Variants in FRS2 observed in about 807,000 individuals in gnomAD.
FRS2 encodes the protein FGFR signalling adaptor.
FRS2 carries 8 observed loss-of-function variants against 43.9 expected under a neutral mutation model. The ratio of observed to expected loss-of-function variants is 0.18; its 90% confidence interval spans 0.11 to 0.33. The LOEUF (loss-of-function observed/expected upper bound fraction) is 0.33, where lower values mean the gene tolerates loss of function less well. Ranked by LOEUF, FRS2 falls within the 10% of genes least tolerant of loss-of-function variation. FRS2 has a pLI of 1.00. For synonymous variants in FRS2, 219 were observed against 220.3 expected (o/e 0.99, Z 0.05); for missense variants, 534 against 627.6 (o/e 0.85, Z 1.59).
rs1312833203 is a variant in FRS2 at position 69,578,880 on chromosome 12, T to C, written c.*3925T>C. 2.0e-5 allele frequency: 3 copies of C among 152,624 alleles called. No homozygotes were observed. Among genetic ancestry groups the C allele is most frequent in the Admixed American group, 2.0e-4 (3 of 15,270 alleles). 9.5% of individuals were successfully genotyped at this position (152,624 alleles called of 1,614,324 possible). A position where few individuals can be genotyped will look rare whatever the true frequency, so the allele number is the denominator to read the frequency against. On this transcript the variant is annotated 3_prime_UTR_variant, in exon 9 of 9. Coordinates refer to ENST00000549921, the MANE Select transcript of FRS2 (RefSeq NM_001278356.2). ...TGCCAAATTGTATATGAAATATGAA[T>C]TTTACCCCCATGGTTAATTTCTTTT... is the stretch of plus-strand genomic sequence containing the variant.
chr12:69,552,730 A>G (rs989296958), intron 3 of FRS2, among the ~76,000 whole-genome samples: 2 of 152,086 alleles, frequency 1.3e-5, no homozygotes, highest in Non-Finnish European at 2.9e-5. Context: ...TGTCTCTACT[A>G]AAAATACAAA....
At chr12:69,484,417 C>T (rs1263707389) in intron 1 of FRS2, among the ~76,000 whole-genome samples, 1 of 152,170 alleles carries the variant, frequency 6.6e-6, no homozygotes, top group Non-Finnish European at 1.5e-5. Context: ...GCCAGTGTTC[C>T]ACAGTTCTGA....
intron 3 of FRS2, among the ~76,000 whole-genome samples, chr12:69,539,274 ACCATGCTGG>A (rs934811040): frequency 1.3e-5 from 2 of 152,050 alleles, no homozygotes; most frequent in African/African-American, 4.8e-5. Flanking sequence ...TGGGGGTTTC[ACCATGCTGG>A]CCAGGCTGGT....
intron 1 of FRS2, among the ~76,000 whole-genome samples, chr12:69,506,647 G>A (rs1873958717): frequency 6.6e-6 from 1 of 151,930 alleles, no homozygotes; most frequent in South Asian, 2.1e-4. Context: ...CTTCTTTCAA[G>A]CCCTCTATTA....
intron 3 of FRS2, among the ~76,000 whole-genome samples, chr12:69,539,754 GA>G (rs1877693554): frequency 6.6e-6 from 1 of 151,998 alleles, no homozygotes; most frequent in Non-Finnish European, 1.5e-5. Context: ...AGGAGTTCGA[GA>G]CCAGCCTGGC....
intron 1 of FRS2, among the ~76,000 whole-genome samples, chr12:69,477,114 A>T (rs1208075563): frequency 2.2e-5 from 3 of 139,026 alleles, no homozygotes; most frequent in African/African-American, 4.9e-5. Context: ...CAATGGCAGA[A>T]ATGTGGATGA....
rs571185563 is a variant in FRS2 at position 69,552,162 on chromosome 12, C to T, written c.-121-10018C>T. On this transcript the variant is annotated intron_variant, in intron 3 of 8. Transcript: ENST00000549921. ...TACTAAAAATACAAAATTATCCGGG[C>T]ATGGTGGTGCATGCCTGTAATCCCA... is the stretch of plus-strand genomic sequence containing the variant. Among the ~76,000 whole-genome samples the T allele has an allele frequency of 4.6e-5, 7 of 151,726 alleles. No individual in the cohort carries two copies. In the South Asian group the frequency reaches 1.5e-3, roughly 32 times the overall value.
chr12:69,530,396 C>T (rs1592998699), intron 1 of FRS2, among the ~76,000 whole-genome samples: 1 of 151,958 alleles, frequency 6.6e-6, no homozygotes, highest in African/African-American at 2.4e-5. Context: ...ATCTCTCCCA[C>T]CTCAGTCTCA....
chr12:69,567,074 C>T (rs1223501196), intron 4 of FRS2, among the ~76,000 whole-genome samples: 2 of 152,140 alleles, frequency 1.3e-5, no homozygotes, highest in African/African-American at 4.8e-5. Context: ...CCTGCCTAAC[C>T]CAGAAAGTTA....
At chr12:69,539,477 G>A (rs1319178370) in intron 3 of FRS2, among the ~76,000 whole-genome samples, 1 of 152,124 alleles carries the variant, frequency 6.6e-6, no homozygotes, top group Admixed American at 6.5e-5. Flanking sequence ...TTTCATATAT[G>A]CCTTTACACA....
chr12:69,512,356 C>A (rs1394867783), intron 1 of FRS2, among the ~76,000 whole-genome samples: 1 of 152,140 alleles, frequency 6.6e-6, no homozygotes, highest in African/African-American at 2.4e-5. Context: ...TTCTAGGCTT[C>A]TCATAAAACA....
rs1188399724 is a variant in FRS2 at position 69,575,797 on chromosome 12, C to T, written c.*842C>T. The T allele has an allele frequency of 6.6e-6, 1 of 152,486 alleles. No homozygotes were observed. The highest frequency in any genetic ancestry group is 2.4e-5 in the African/African-American group (1 of 41,420). 9.4% of individuals were successfully genotyped at this position (152,486 alleles called of 1,614,324 possible). On this transcript the variant is annotated 3_prime_UTR_variant, in exon 9 of 9. Transcript: ENST00000549921. ...TTTGTGCCATTAGGTTTCCATTTATCTTCAGTTTTTTTCTTTGGTGTTTGG... is the reference window on the plus strand; with the variant it reads ...TTTGTGCCATTAGGTTTCCATTTATTTTCAGTTTTTTTCTTTGGTGTTTGG...
intron 1 of FRS2, among the ~76,000 whole-genome samples, chr12:69,525,378 TA>T (rs1431361753): frequency 6.6e-6 from 1 of 152,106 alleles, no homozygotes; most frequent in Non-Finnish European, 1.5e-5. Flanking sequence ...GTGTGTATGA[TA>T]AAGTTTCAAG....
chr12:69,573,752 T>G (rs562670120), intron 8 of FRS2, among the ~76,000 whole-genome samples: 38 of 152,376 alleles, frequency 2.5e-4, no homozygotes, highest in African/African-American at 8.4e-4. Flanking sequence ...CATGGGCCAC[T>G]GCGCCCAGCC....
intron 3 of FRS2, among the ~76,000 whole-genome samples, chr12:69,541,115 C>T (rs1303414586): frequency 2.0e-5 from 3 of 151,990 alleles, no homozygotes; most frequent in African/African-American, 4.8e-5. Context: ...TTTTTTAAAC[C>T]TAGAAGTCAC....
intron 3 of FRS2, among the ~76,000 whole-genome samples, chr12:69,560,668 T>C (rs1879803279): frequency 2.0e-5 from 3 of 152,222 alleles, no homozygotes. Context: ...ATAATCCAAA[T>C]GACTCTATGT....
intron 4 of FRS2, among the ~76,000 whole-genome samples, chr12:69,564,890 C>T (rs1880159333): frequency 6.6e-6 from 1 of 152,192 alleles, no homozygotes; most frequent in African/African-American, 2.4e-5. Context: ...TTTCATATCA[C>T]ATATTAGGCA....
intron 6 of FRS2, among the ~76,000 whole-genome samples, 183 bp downstream of exon 6, chr12:69,570,700 T>C (rs1230129653): frequency 6.6e-6 from 1 of 152,230 alleles, no homozygotes. Context: ...ATTGTCTATG[T>C]GAGAAATTTT....
chr12:69,532,808 A>G (rs941746404), intron 3 of FRS2, among the ~76,000 whole-genome samples: 1 of 152,226 alleles, frequency 6.6e-6, no homozygotes, highest in Non-Finnish European at 1.5e-5. Flanking sequence ...TGGTGGGAAG[A>G]CCAGAAAGTA....
Sources: allele counts gnomAD v4.1 joint callset (sites outside exome capture counted in the v4.1 genomes callset), GRCh38; gene constraint gnomAD v4.1.1; transcripts MANE v1.5; gene names NCBI Gene and HGNC (gene_info 2026-07-23, HGNC 2026-07-21).